Variants in MARCHF8 observed in about 807,000 individuals in gnomAD.
MARCHF8 encodes membrane associated ring-CH-type finger 8, also known as E3 ubiquitin-protein ligase MARCHF8.
A neutral mutation model predicts 51.6 loss-of-function variants in MARCHF8; 40 were observed. The observed-to-expected ratio is 0.77, with a 90% CI of 0.60 to 1.01. The LOEUF (loss-of-function observed/expected upper bound fraction) is 1.01, where lower values mean the gene tolerates loss of function less well. Ranked by LOEUF, MARCHF8 falls within the 50% of genes least tolerant of loss-of-function variation. MARCHF8 has a pLI of 0.00. For synonymous variants in MARCHF8, 263 were observed against 280.3 expected (o/e 0.94, Z 0.62); for missense variants, 685 against 708.6 (o/e 0.97, Z 0.38).
At chr10:45,489,322 GA>G (rs748983800) in intron 3 of MARCHF8, 44 bp downstream of exon 3, 1 of 1,449,706 alleles carries the variant, frequency 6.9e-7, no homozygotes, top group Non-Finnish European at 9.6e-7. Context: ...CATAAGAACA[GA>G]AAAGACTCAA....
At chr10:45,560,354 G>C (rs1336736301) in intron 1 of MARCHF8, among the ~76,000 whole-genome samples, 2 of 152,156 alleles carry the variant, frequency 1.3e-5, no homozygotes, top group Non-Finnish European at 2.9e-5. Flanking sequence ...GTGCCTGAAA[G>C]CTTAGGTTAG....
At chr10:45,505,869 C>T (rs947246092) in intron 2 of MARCHF8, among the ~76,000 whole-genome samples, 2 of 152,210 alleles carry the variant, frequency 1.3e-5, no homozygotes, top group African/African-American at 4.8e-5. Context: ...AAGAGAGCAA[C>T]TCTTTGACAC....
In MARCHF8 at chr10:45,473,224, C is replaced by G. The variant is rs147246735; in HGVS notation, c.154-8897G>C. Among the ~76,000 whole-genome samples, 318 of 152,328 alleles carry G rather than the reference C, an allele frequency of 2.1e-3. 1 individual carries two copies. The highest frequency in any genetic ancestry group is 7.2e-3 in the African/African-American group (300 of 41,558). On this transcript the variant is annotated intron_variant, in intron 3 of 7. Coordinates refer to ENST00000453424, the MANE Select transcript of MARCHF8 (RefSeq NM_001282866.2). ...TTCAGGAGGCCTAGGAGGGTTAGTG[C>G]TCAAATTCATTGAGATGTGCTTGCC...
At chr10:45,483,917 G>T (rs955180405) in intron 3 of MARCHF8, among the ~76,000 whole-genome samples, 1 of 152,114 alleles carries the variant, frequency 6.6e-6, no homozygotes. Flanking sequence ...AGGCAGGAGT[G>T]GGGGATAAAG....
intron 2 of MARCHF8, among the ~76,000 whole-genome samples, chr10:45,530,534 C>A (rs1340103805): frequency 2.0e-5 from 3 of 152,304 alleles, no homozygotes; most frequent in Middle Eastern, 3.4e-3. Flanking sequence ...GCAGTCCCAG[C>A]AATTTGGGAG....
At chr10:45,588,210 C>T (rs2044638566) in intron 1 of MARCHF8, among the ~76,000 whole-genome samples, 1 of 151,580 alleles carries the variant, frequency 6.6e-6, no homozygotes, top group African/African-American at 2.4e-5. Context: ...AACATGTCTT[C>T]ATTTCTTAAA....
intron 1 of MARCHF8, among the ~76,000 whole-genome samples, chr10:45,549,144 C>T (rs1398229756): frequency 6.6e-6 from 1 of 152,140 alleles, no homozygotes; most frequent in South Asian, 2.1e-4. Flanking sequence ...AGCAGCCCAG[C>T]GTTCTCCCTG....
At position 45,463,722 on chromosome 10, in the gene MARCHF8, C is replaced by G; in HGVS notation, c.517G>C (p.Ala173Pro). 1 of 1,551,136 alleles carries G rather than the reference C, an allele frequency of 6.4e-7. No homozygotes were observed. ...TCAGAACAAGTTCTTTCCACATAGG[C>G]AAAACTTTCTGAAGTATCCTGCGCC... The part of the protein sequence containing the change: ...EKAQDTSESF[A>P]YVERTCSEGK... The change falls in exon 5 of 8, where the codon GCC becomes CCC. Residue 173 changes from alanine to proline, a missense_variant. Ala to Pro is a conservative substitution (Grantham distance 27, BLOSUM62 -1). Coordinates refer to ENST00000453424, the MANE Select transcript of MARCHF8 (RefSeq NM_001282866.2).
intron 3 of MARCHF8, among the ~76,000 whole-genome samples, chr10:45,471,649 G>T (rs2042692905): frequency 6.6e-6 from 1 of 152,236 alleles, no homozygotes; most frequent in Non-Finnish European, 1.5e-5. Context: ...TGGGGCAGTG[G>T]CCAAAGCACT....
rs60776762 is a variant in MARCHF8 at position 45,542,345 on chromosome 10, C to CAAAAAA, written c.-78-9062_-78-9057dup. ...CTGGTGACAGAGCAGGACTTCGTCT[C>CAAAAAA]AAAAAAAAAAAAAAAAAAAAAAAAA... On this transcript the variant is annotated intron_variant, in intron 1 of 6. Transcript: ENST00000319836. Among the ~76,000 whole-genome samples, 14 of 48,990 alleles carry CAAAAAA rather than the reference C, an allele frequency of 2.9e-4. 1 individual carries two copies. The highest frequency in any genetic ancestry group is 9.4e-4 in the African/African-American group (13 of 13,868). 32.1% of individuals were successfully genotyped at this position (48,990 alleles called of 152,430 possible).
intron 2 of MARCHF8, among the ~76,000 whole-genome samples, chr10:45,494,920 G>C (rs1459708996): frequency 6.6e-6 from 1 of 152,176 alleles, no homozygotes; most frequent in Non-Finnish European, 1.5e-5. Context: ...AGGAGTTCGA[G>C]ACCAGCCTGG....
upstream of MARCHF8, among the ~76,000 whole-genome samples, chr10:45,539,231 A>C (rs1299656208): frequency 6.6e-6 from 1 of 152,194 alleles, no homozygotes; most frequent in Non-Finnish European, 1.5e-5. Flanking sequence ...GGGTACATAA[A>C]GAAATGAAGG....
intron 3 of MARCHF8, among the ~76,000 whole-genome samples, chr10:45,482,945 TG>T (rs2042915045): frequency 6.6e-6 from 1 of 152,194 alleles, no homozygotes; most frequent in South Asian, 2.1e-4. Context: ...CATACGCAGA[TG>T]AATGAAACTG....
chr10:45,462,032 A>G (rs1176729973), intron 5 of MARCHF8: 2 of 152,234 alleles, frequency 1.3e-5, no homozygotes, highest in Non-Finnish European at 1.5e-5. Flanking sequence ...AGCACTCTCT[A>G]TTTCCAAGGA....
At chr10:45,578,274 C>A (rs944151292) in intron 1 of MARCHF8, among the ~76,000 whole-genome samples, 1 of 152,000 alleles carries the variant, frequency 6.6e-6, no homozygotes, top group African/African-American at 2.4e-5. Flanking sequence ...TCTTGTTGCA[C>A]CAGAAAGTAA....
intron 1 of MARCHF8, among the ~76,000 whole-genome samples, chr10:45,584,195 GAACT>G (rs1336691989): frequency 1.8e-5 from 2 of 112,778 alleles, no homozygotes; most frequent in African/African-American, 6.8e-5. Context: ...ACATTCACAA[GAACT>G]AAGAAACAAT....
intron 2 of MARCHF8, among the ~76,000 whole-genome samples, chr10:45,507,345 T>G (rs1589132724): frequency 6.6e-6 from 1 of 152,218 alleles, no homozygotes; most frequent in Non-Finnish European, 1.5e-5. Context: ...TACCTGAGGC[T>G]GGGTAATTTA....
chr10:45,540,893 G>A (rs1380371804), intron 1 of MARCHF8, among the ~76,000 whole-genome samples: 1 of 152,180 alleles, frequency 6.6e-6, no homozygotes, highest in African/African-American at 2.4e-5. Context: ...CAGTTACAAT[G>A]GCGATCATTA....
chr10:45,476,191 CAAT>C (rs1404530654), intron 3 of MARCHF8, among the ~76,000 whole-genome samples: 1 of 152,166 alleles, frequency 6.6e-6, no homozygotes, highest in African/African-American at 2.4e-5. Context: ...CAAAGGAACC[CAAT>C]AATTCTCCAG....
Sources: gnomAD v4.1 joint callset for allele counts (sites outside exome capture counted in the v4.1 genomes callset) on GRCh38, gnomAD v4.1.1 for gene constraint, MANE v1.5 for transcripts, NCBI Gene and HGNC (gene_info 2026-07-23, HGNC 2026-07-21) for gene names.